Variants in NT5C1A observed in about 807,000 individuals in gnomAD.
NT5C1A encodes the protein 5'-nucleotidase, cytosolic IA, also known as cytosolic 5'-nucleotidase 1A.
NT5C1A carries 18 observed loss-of-function variants against 31.0 expected under a neutral mutation model. The ratio of observed to expected loss-of-function variants is 0.58; its 90% CI spans 0.40 to 0.86. The LOEUF (loss-of-function observed/expected upper bound fraction) is 0.86, where lower values mean the gene tolerates loss of function less well. NT5C1A is among the 40% of genes least tolerant of loss of function. The pLI, the probability that NT5C1A is intolerant of heterozygous loss-of-function variation, is 0.00. For missense variants in NT5C1A, 470 were observed against 505.4 expected (o/e 0.93, Z 0.67); for synonymous variants, 185 against 203.6 (o/e 0.91, Z 0.78).
chr1:39,655,344 G>C lies in NT5C1A; in HGVS notation c.*3777C>G, dbSNP rs1254787362. On this transcript the variant is annotated 3_prime_UTR_variant, in exon 6 of 6. Transcript: ENST00000235628. Reference sequence around the variant, plus strand: ...GCCCAAAACAGGGGCCTTCACACTGGGTTTCTCAAAACTTGGGATTGTTTG... The same window carrying C: ...GCCCAAAACAGGGGCCTTCACACTGCGTTTCTCAAAACTTGGGATTGTTTG... 6.6e-6 allele frequency among the ~76,000 whole-genome samples: 1 copy of C among 152,138 alleles called. No individual in the cohort carries two copies. Among genetic ancestry groups the C allele is most frequent in the East Asian group, 1.9e-4 (1 of 5,188 alleles).
chr1:39,670,683 T>C (rs1646546329), intron 1 of NT5C1A, among the ~76,000 whole-genome samples: 1 of 152,180 alleles, frequency 6.6e-6, no homozygotes, highest in Non-Finnish European at 1.5e-5. Context: ...CCAGCTCTTC[T>C]TCCAACAATC....
chr1:39,664,467 C>G (rs1446908618), intron 3 of NT5C1A, among the ~76,000 whole-genome samples: 2 of 53,132 alleles, frequency 3.8e-5, no homozygotes, highest in Non-Finnish European at 8.0e-5. Flanking sequence ...TTTTCTGTCT[C>G]TCTCTCCCCA....
At chr1:39,659,605 T>C (rs1442070201) in intron 5 of NT5C1A, 119 bp from the exon 6 acceptor site, 2 of 1,279,170 alleles carry the variant, frequency 1.6e-6, no homozygotes, top group Non-Finnish European at 2.1e-6. Flanking sequence ...CCTAAATCTT[T>C]CAGTTAGCTC....
In NT5C1A at chr1:39,654,862, A is replaced by G. The variant is rs1570453911; in HGVS notation, c.*4259T>C. Among the ~76,000 whole-genome samples the G allele has an allele frequency of 6.6e-6, 1 of 152,050 alleles. No homozygotes were observed. Among genetic ancestry groups the G allele is most frequent in the African/African-American group, 2.4e-5 (1 of 41,364 alleles). On this transcript the variant is annotated 3_prime_UTR_variant, in exon 6 of 6. Transcript: ENST00000235628. ...TTGCAGCCTCTGTTGCAACAATTCA[A>G]CTCTGCTGTTGCAGTGTGAAATCAG...
At position 39,661,047 on chromosome 1, in the gene NT5C1A, C is replaced by T. The variant is rs1486202588; in HGVS notation, c.741+32G>A. On this transcript the variant is annotated intron_variant, in intron 5 of 5. Transcript: ENST00000235628. The stretch of plus-strand genomic sequence containing the variant: ...GGCAGGTCTGGGGAGCTGCCTTGTT[C>T]CTCTCAGGGGTTCTGGGTCTATGGG... 23 of 1,412,778 alleles carry T rather than the reference C, an allele frequency of 1.6e-5. No individual in the cohort carries two copies. In the Middle Eastern group the frequency reaches 5.7e-4, roughly 35 times the overall value. The allele number at this position is 1,412,778 out of a possible 1,614,324, so 87.5% of individuals were successfully genotyped here. A position where few individuals can be genotyped will look rare whatever the true frequency, so the allele number is the denominator to read the frequency against.
rs150990925 is a variant in NT5C1A at position 39,654,765 on chromosome 1, G to C, written c.*4356C>G. 2.2e-3 allele frequency among the ~76,000 whole-genome samples: 331 copies of C among 152,360 alleles called. 1 individual carries two copies. Among genetic ancestry groups the C allele is most frequent in the Non-Finnish European group, 3.9e-3 (268 of 68,026 alleles). ...CCTGGCTCATCCCACTGAGGCATCA[G>C]CCAGGCTGTCTGCCTTGGCCCAGGG... On this transcript the variant is annotated 3_prime_UTR_variant, in exon 6 of 6. Coordinates refer to ENST00000235628, the MANE Select transcript of NT5C1A (RefSeq NM_032526.3).
chr1:39,661,944 A>C (rs111746694), intron 4 of NT5C1A, among the ~76,000 whole-genome samples: 3,212 of 152,222 alleles, frequency 0.021, 115 homozygotes, highest in African/African-American at 0.072. Flanking sequence ...GTTCCAAAAA[A>C]CAACCTAAGT....
rs1646459059 is a variant in NT5C1A at position 39,656,363 on chromosome 1, G to A, written c.*2758C>T. ...AGACAATCAGAAGGCCCGTGTAACT[G>A]CTGCCTAAGACTGCCCCTCAGATTT... On this transcript the variant is annotated 3_prime_UTR_variant, in exon 6 of 6. Transcript: ENST00000235628. 2.6e-5 allele frequency among the ~76,000 whole-genome samples: 4 copies of A among 152,338 alleles called. No individual in the cohort carries two copies. The South Asian group carries it at 8.3e-4, about 32-fold the overall frequency.
chr1:39,665,348 C>A (rs1253974170), intron 3 of NT5C1A, among the ~76,000 whole-genome samples, 173 bp downstream of exon 3: 1 of 152,228 alleles, frequency 6.6e-6, no homozygotes, highest in Non-Finnish European at 1.5e-5. Context: ...TGAAAACTAG[C>A]AACACTACAA....
At chr1:39,664,923 C>T (rs1430440048) in intron 3 of NT5C1A, among the ~76,000 whole-genome samples, 7 of 152,114 alleles carry the variant, frequency 4.6e-5, no homozygotes, top group Admixed American at 2.6e-4. Context: ...AAAGAAGAGC[C>T]GGGAGAGATT....
chr1:39,670,869 T>TA (rs772758065), intron 1 of NT5C1A, among the ~76,000 whole-genome samples: 1 of 150,280 alleles, frequency 6.7e-6, no homozygotes, highest in East Asian at 2.0e-4. Flanking sequence ...ACTACTCTAC[T>TA]CCCCCCCCAA....
At position 39,671,913 on chromosome 1, in the gene NT5C1A, TTTC is replaced by T. The variant is rs1370966690; in HGVS notation, c.123_125del (p.Lys42del). Reference sequence around the variant, plus strand: ...CGTGCATTGCTTTTACCGATTTGGGTTTCTTCTTGGGCGCGAGGTTGTCGTAGA... The same window carrying T: ...CGTGCATTGCTTTTACCGATTTGGGTTTCTTGGGCGCGAGGTTGTCGTAGA... On this transcript the variant is annotated inframe_deletion, in exon 1 of 6. Coordinates refer to ENST00000235628, the MANE Select transcript of NT5C1A (RefSeq NM_032526.3). The T allele has an allele frequency of 1.2e-6, 2 of 1,613,404 alleles. No individual in the cohort carries two copies. Among genetic ancestry groups the T allele is most frequent in the South Asian group, 2.2e-5 (2 of 91,078 alleles).
Position 39,659,420 on chromosome 1 carries a change from G to T in NT5C1A, c.808C>A (p.Arg270=), listed in dbSNP as rs756357555. ...TAGGTACGAATTGGGCACTCCAGCCGCAGGCCTTTGGAGTAGAACTTCTTC... is the reference window on the plus strand; with the variant it reads ...TAGGTACGAATTGGGCACTCCAGCCTCAGGCCTTTGGAGTAGAACTTCTTC... The part of the protein sequence containing the change: ...LQKKFYSKGL[R]LECPIRTYLV... Residue 270 remains arginine (R), a synonymous_variant, in exon 6 of 6, where the codon CGG becomes AGG. Coordinates refer to ENST00000235628, the MANE Select transcript of NT5C1A (RefSeq NM_032526.3). The T allele has an allele frequency of 1.2e-6, 2 of 1,612,480 alleles. No homozygotes were observed. Among genetic ancestry groups the T allele is most frequent in the South Asian group, 1.1e-5 (1 of 90,946 alleles).
chr1:39,658,982 A>T lies in NT5C1A; in HGVS notation c.*139T>A, dbSNP rs1385726560. 2 of 1,214,700 alleles carry T rather than the reference A, an allele frequency of 1.6e-6. No homozygotes were observed. Among genetic ancestry groups the T allele is most frequent in the African/African-American group, 1.5e-5 (1 of 66,204 alleles). 75.2% of individuals were successfully genotyped at this position (1,214,700 alleles called of 1,614,324 possible). A position where few individuals can be genotyped will look rare whatever the true frequency, so the allele number is the denominator to read the frequency against. On this transcript the variant is annotated 3_prime_UTR_variant, in exon 6 of 6. Transcript: ENST00000235628. Reference sequence around the variant, plus strand: ...GCCAGACCCGTCTGCATAATTTCCTACAAGTACATCACTCATAGGGATGAG... The same window carrying T: ...GCCAGACCCGTCTGCATAATTTCCTTCAAGTACATCACTCATAGGGATGAG...
Position 39,661,249 on chromosome 1 carries a change from T to A in NT5C1A, c.571A>T (p.Thr191Ser). The change falls in exon 5 of 6, where the codon ACC becomes TCC. Residue 191 changes from threonine (T) to serine (S), a missense_variant. Physicochemically the swap from Thr to Ser is moderately conservative, Grantham distance 58. Coordinates refer to ENST00000235628, the MANE Select transcript of NT5C1A (RefSeq NM_032526.3). ...EAIDEGIAAA[T>S]IFSPSRDVVV... ...ACATCCCTGCTGGGGCTGAAGATGGTGGCAGCTGCGATCCCTAGGCAGAGA... is the reference window on the plus strand; with the variant it reads ...ACATCCCTGCTGGGGCTGAAGATGGAGGCAGCTGCGATCCCTAGGCAGAGA... 6.3e-7 allele frequency: 1 copy of A among 1,578,318 alleles called. No homozygotes were observed. Among genetic ancestry groups the A allele is most frequent in the Non-Finnish European group, 8.7e-7 (1 of 1,150,384 alleles).
At position 39,654,098 on chromosome 1, in the gene NT5C1A, G is replaced by A. The variant is rs945243852; in HGVS notation, c.*5023C>T. Among the ~76,000 whole-genome samples the A allele has an allele frequency of 1.3e-5, 2 of 152,216 alleles. No individual in the cohort carries two copies. Among genetic ancestry groups the A allele is most frequent in the Admixed American group, 1.3e-4 (2 of 15,280 alleles). On this transcript the variant is annotated 3_prime_UTR_variant, in exon 6 of 6. Coordinates refer to ENST00000235628, the MANE Select transcript of NT5C1A (RefSeq NM_032526.3). ...CTGTAGATGGGGCGTCTTCCATACT[G>A]TCTGTTCTTGCAGTGGATCCTGGAA...
At chr1:39,671,254 G>A (rs2124167563) in intron 1 of NT5C1A, among the ~76,000 whole-genome samples, 1 of 152,352 alleles carries the variant, frequency 6.6e-6, no homozygotes, top group Admixed American at 6.5e-5. Flanking sequence ...CCACCACAGG[G>A]TCGTGGGGAT....
At position 39,655,272 on chromosome 1, in the gene NT5C1A, G is replaced by A. The variant is rs1464317939; in HGVS notation, c.*3849C>T. Among the ~76,000 whole-genome samples, 1 of 152,176 alleles carries A rather than the reference G, an allele frequency of 6.6e-6. No homozygotes were observed. The highest frequency in any genetic ancestry group is 1.5e-5 in the Non-Finnish European group (1 of 68,026). On this transcript the variant is annotated 3_prime_UTR_variant, in exon 6 of 6. Transcript: ENST00000235628. ...AAGTTTCTTTACAAAAACAGGTGATGGGTCAGATTTGGCCCGTGGGCCCAG... is the reference window on the plus strand; with the variant it reads ...AAGTTTCTTTACAAAAACAGGTGATAGGTCAGATTTGGCCCGTGGGCCCAG...
In NT5C1A at chr1:39,665,515, G is replaced by A. The variant is rs781583526; in HGVS notation, c.433+6C>T. Reference sequence around the variant, plus strand: ...GCAAACCCCCCATCCTCATGCTCATGCTCACCATAGTGGTTGATACTGTTG... The same window carrying A: ...GCAAACCCCCCATCCTCATGCTCATACTCACCATAGTGGTTGATACTGTTG... On this transcript the variant is annotated splice_donor_region_variant and intron_variant, in intron 3 of 5. Transcript: ENST00000235628. 5 of 1,609,728 alleles carry A rather than the reference G, an allele frequency of 3.1e-6. No homozygotes were observed. The Admixed American group carries it at 6.7e-5, about 22-fold the overall frequency.
Sources: gnomAD v4.1 joint callset for allele counts (sites outside exome capture counted in the v4.1 genomes callset) on GRCh38, gnomAD v4.1.1 for gene constraint, MANE v1.5 for transcripts, NCBI Gene and HGNC (gene_info 2026-07-23, HGNC 2026-07-21) for gene names.